TBC1D15: variants seen among roughly 807,000 people sequenced by gnomAD.
TBC1D15 encodes the protein GAP for RAB7.
TBC1D15 carries 39 observed loss-of-function variants against 95.4 expected under a neutral mutation model. The ratio of observed to expected loss-of-function variants is 0.41; its 90% CI spans 0.32 to 0.53. The LOEUF (loss-of-function observed/expected upper bound fraction) is 0.53, where lower values mean the gene tolerates loss of function less well. Ranked by LOEUF, TBC1D15 falls within the 20% of genes least tolerant of loss-of-function variation. TBC1D15 has a pLI of 0.29. For missense variants in TBC1D15, 733 were observed against 794.3 expected, an observed-to-expected ratio of 0.92 and a Z score of 0.93; for synonymous variants, 258 against 261.3, an observed-to-expected ratio of 0.99 and a Z score of 0.12.
intron 1 of TBC1D15, among the ~76,000 whole-genome samples, chr12:71,855,641 C>T (rs970913602): frequency 2.3e-5 from 3 of 132,872 alleles, no homozygotes; most frequent in Middle Eastern, 4.9e-3. Flanking sequence ...GCACTCCAGC[C>T]TGGGTGACAG....
Position 71,918,554 on chromosome 12 carries a change from T to C in TBC1D15, c.1599+6T>C. On this transcript the variant is annotated splice_donor_region_variant and intron_variant, in intron 14 of 16. Transcript: ENST00000485960. The stretch of plus-strand genomic sequence containing the variant: ...ATATTCTTCGATTATGGGAGGTAAG[T>C]CCTTAAATTATTATGCAAATGTGAT... The C allele has an allele frequency of 6.7e-7, 1 of 1,498,848 alleles. No individual in the cohort carries two copies. The highest frequency in any genetic ancestry group is 9.2e-7 in the Non-Finnish European group (1 of 1,089,258). The allele number at this position is 1,498,848 out of a possible 1,614,324, so 92.8% of individuals were successfully genotyped here. A position where few individuals can be genotyped will look rare whatever the true frequency, so the allele number is the denominator to read the frequency against.
chr12:71,866,992 G>A (rs1253272375), intron 1 of TBC1D15, among the ~76,000 whole-genome samples: 3 of 152,150 alleles, frequency 2.0e-5, no homozygotes, highest in South Asian at 4.1e-4. Flanking sequence ...TATGTCATAT[G>A]AATAAAACAT....
intron 10 of TBC1D15, among the ~76,000 whole-genome samples, 188 bp downstream of exon 10, chr12:71,898,129 A>C (rs1044992074): frequency 6.6e-6 from 1 of 152,080 alleles, no homozygotes; most frequent in African/African-American, 2.4e-5. Flanking sequence ...TTAATTCAGT[A>C]AGTTTATTTA....
intron 1 of TBC1D15, 147 bp downstream of exon 1, chr12:71,839,958 G>C: frequency 9.6e-7 from 1 of 1,038,764 alleles, no homozygotes; most frequent in Non-Finnish European, 1.4e-6. Flanking sequence ...GGTGGTACCA[G>C]CTGGTTTCCC....
At chr12:71,919,931 C>T (rs1274932441) in intron 14 of TBC1D15, among the ~76,000 whole-genome samples, 2 of 152,074 alleles carry the variant, frequency 1.3e-5, no homozygotes, top group African/African-American at 4.8e-5. Context: ...TTAATGAAAC[C>T]TTTGAGGTTA....
intron 1 of TBC1D15, among the ~76,000 whole-genome samples, chr12:71,865,640 A>T (rs1207697708): frequency 1.3e-5 from 2 of 152,116 alleles, no homozygotes; most frequent in Non-Finnish European, 2.9e-5. Flanking sequence ...GGAGAGGAGT[A>T]TCTCAGCAGC....
chr12:71,873,475 T>C (rs1239058174), intron 3 of TBC1D15, among the ~76,000 whole-genome samples: 1 of 152,228 alleles, frequency 6.6e-6, no homozygotes, highest in African/African-American at 2.4e-5. Flanking sequence ...ATTCATCAAT[T>C]GATGGACATT....
At chr12:71,911,215 C>A (rs904059164) in intron 11 of TBC1D15, among the ~76,000 whole-genome samples, 4 of 152,014 alleles carry the variant, frequency 2.6e-5, no homozygotes, top group African/African-American at 9.7e-5. Flanking sequence ...GTCAGTGTGG[C>A]GATTCCTCAG....
chr12:71,849,200 C>G, intron 1 of TBC1D15: 1 of 298,706 alleles, frequency 3.3e-6, no homozygotes, highest in Non-Finnish European at 6.2e-6. Context: ...CAAAAAACTT[C>G]AGTGTCCATA....
At chr12:71,904,388 C>A (rs1022585625) in intron 10 of TBC1D15, among the ~76,000 whole-genome samples, 7 of 152,108 alleles carry the variant, frequency 4.6e-5, no homozygotes, top group Non-Finnish European at 7.4e-5. Flanking sequence ...ACAGCTCTTT[C>A]AAGGAGTTTT....
rs145033303 is a variant in TBC1D15 at position 71,905,709 on chromosome 12, C to T, written c.1184-1313C>T. ...TTTGCTTATTTGAGAACTGTATCCACAATTCTGTATGTATTTGCTTGCTTT... is the reference window on the plus strand; with the variant it reads ...TTTGCTTATTTGAGAACTGTATCCATAATTCTGTATGTATTTGCTTGCTTT... On this transcript the variant is annotated intron_variant, in intron 10 of 16. Transcript: ENST00000485960. 9.1e-4 allele frequency among the ~76,000 whole-genome samples: 138 copies of T among 152,258 alleles called. 1 individual carries two copies. In the East Asian group the frequency reaches 0.02, roughly 22 times the overall value.
chr12:71,853,083 C>G (rs537343556), intron 1 of TBC1D15, among the ~76,000 whole-genome samples: 1 of 152,320 alleles, frequency 6.6e-6, no homozygotes, highest in South Asian at 2.1e-4. Flanking sequence ...AATTGGCTCA[C>G]AGTTCTTCAA....
chr12:71,861,603 T>G, intron 1 of TBC1D15: 2 of 1,018,900 alleles, frequency 2.0e-6, no homozygotes, highest in Non-Finnish European at 2.6e-6. Context: ...TCTTGGTTTG[T>G]ATAAGTAATG....
intron 1 of TBC1D15, among the ~76,000 whole-genome samples, chr12:71,857,681 A>G (rs529086470): frequency 6.6e-6 from 1 of 152,324 alleles, no homozygotes; most frequent in African/African-American, 2.4e-5. Flanking sequence ...ATCACTTAGA[A>G]CATTTATTCT....
intron 1 of TBC1D15, among the ~76,000 whole-genome samples, chr12:71,867,974 T>G (rs1891843605): frequency 6.6e-6 from 1 of 152,218 alleles, no homozygotes; most frequent in Admixed American, 6.5e-5. Flanking sequence ...TCCTGTGCCC[T>G]TAAGTCTTAT....
chr12:71,846,984 T>G (rs1175237937), intron 1 of TBC1D15, among the ~76,000 whole-genome samples: 2 of 152,080 alleles, frequency 1.3e-5, no homozygotes, highest in African/African-American at 4.8e-5. Flanking sequence ...TGCTTAGAAC[T>G]CTTGGCCTCA....
intron 6 of TBC1D15, 175 bp from the exon 7 acceptor site, chr12:71,894,511 A>G: frequency 8.3e-7 from 1 of 1,204,968 alleles, no homozygotes; most frequent in Non-Finnish European, 1.2e-6. Context: ...ATTGGCTTAG[A>G]AAATTTAAAT....
chr12:71,898,421 A>T (rs575043251), intron 10 of TBC1D15, among the ~76,000 whole-genome samples: 1 of 152,098 alleles, frequency 6.6e-6, no homozygotes, highest in Non-Finnish European at 1.5e-5. Context: ...TTTAAAATTA[A>T]ATAAATGACT....
At chr12:71,904,184 G>A (rs1443433329) in intron 10 of TBC1D15, among the ~76,000 whole-genome samples, 1 of 152,142 alleles carries the variant, frequency 6.6e-6, no homozygotes, top group Admixed American at 6.5e-5. Context: ...TGTCCTAAAA[G>A]ACAAGTGAAG....
Sources: gnomAD v4.1 joint callset for allele counts (sites outside exome capture counted in the v4.1 genomes callset) on GRCh38, gnomAD v4.1.1 for gene constraint, MANE v1.5 for transcripts, NCBI Gene and HGNC (gene_info 2026-07-23, HGNC 2026-07-21) for gene names.